Variants in SPATA17 observed in about 807,000 individuals in gnomAD.
SPATA17 encodes the protein spermatogenesis-associated protein 17.
In SPATA17, 53 loss-of-function variants were observed where a neutral mutation model predicts 62.2. The observed-to-expected ratio is 0.85, with a 90% CI of 0.68 to 1.07. The LOEUF (loss-of-function observed/expected upper bound fraction) is 1.07. Ranked by LOEUF, SPATA17 falls within the 50% of genes least tolerant of loss-of-function variation. SPATA17 has a pLI of 0.00. For synonymous variants in SPATA17, 146 were observed against 146.8 expected (o/e 0.99, Z 0.04); for missense variants, 466 against 425.5 (o/e 1.10, Z -0.84).
intron 9 of SPATA17, among the ~76,000 whole-genome samples, chr1:217,804,134 C>T (rs1184999972): frequency 6.6e-6 from 1 of 152,080 alleles, no homozygotes; most frequent in Non-Finnish European, 1.5e-5. Context: ...GGAAGCATCA[C>T]ACTATCTGAT....
intron 6 of SPATA17, among the ~76,000 whole-genome samples, chr1:217,758,969 C>T (rs1226324109): frequency 1.3e-5 from 2 of 152,020 alleles, no homozygotes; most frequent in Non-Finnish European, 2.9e-5. Flanking sequence ...GGCATGAAGG[C>T]ATCAAAGAAC....
intron 5 of SPATA17, among the ~76,000 whole-genome samples, chr1:217,685,526 A>G (rs1393029323): frequency 6.6e-6 from 1 of 152,204 alleles, no homozygotes; most frequent in African/African-American, 2.4e-5. Flanking sequence ...TTCTTAAACC[A>G]GGAATGGAAG....
intron 9 of SPATA17, among the ~76,000 whole-genome samples, chr1:217,834,271 G>T (rs914265706): frequency 6.6e-6 from 1 of 152,082 alleles, no homozygotes; most frequent in African/African-American, 2.4e-5. Context: ...ATGTTATTGG[G>T]TTACATATTT....
At chr1:217,781,583 C>T (rs1673728071) in intron 7 of SPATA17, among the ~76,000 whole-genome samples, 1 of 152,048 alleles carries the variant, frequency 6.6e-6, no homozygotes, top group South Asian at 2.1e-4. Flanking sequence ...CAAAAGGTTG[C>T]TATTGGTATC....
chr1:217,709,511 CA>C lies in SPATA17; in HGVS notation c.395+26151del, dbSNP rs201947985. ...TTACAACATGAAAATTGGCTTCTCT[CA>C]GGCAAGTGACTGGAGAACACAAGAG... On this transcript the variant is annotated intron_variant, in intron 5 of 10. Coordinates refer to ENST00000366933, the MANE Select transcript of SPATA17 (RefSeq NM_138796.4). 9.9e-3 allele frequency among the ~76,000 whole-genome samples: 1,502 copies of C among 152,274 alleles called. 24 individuals are homozygous for C. The highest frequency in any genetic ancestry group is 0.034 in the African/African-American group (1,432 of 41,548).
intron 5 of SPATA17, among the ~76,000 whole-genome samples, chr1:217,714,435 GA>G (rs537809968): frequency 5.2e-4 from 78 of 149,780 alleles, no homozygotes; most frequent in African/African-American, 1.8e-3. Flanking sequence ...TTCTGAAAAG[GA>G]AAAAATTCAG....
intron 5 of SPATA17, among the ~76,000 whole-genome samples, chr1:217,684,145 T>C (rs1333560436): frequency 6.6e-6 from 1 of 152,136 alleles, no homozygotes; most frequent in Non-Finnish European, 1.5e-5. Context: ...GGACATAGAT[T>C]TAGGATATGG....
chr1:217,774,894 T>C (rs1673550646), intron 7 of SPATA17, among the ~76,000 whole-genome samples: 1 of 152,248 alleles, frequency 6.6e-6, no homozygotes, highest in Admixed American at 6.5e-5. Flanking sequence ...TTTATCCATT[T>C]ATCTGCATTT....
At chr1:217,802,722 A>G (rs1373073048) in intron 9 of SPATA17, among the ~76,000 whole-genome samples, 1 of 152,120 alleles carries the variant, frequency 6.6e-6, no homozygotes, top group Non-Finnish European at 1.5e-5. Flanking sequence ...CAGATTAGAT[A>G]TTCAACATAT....
chr1:217,699,804 C>T (rs1571740425), intron 5 of SPATA17, among the ~76,000 whole-genome samples: 2 of 152,134 alleles, frequency 1.3e-5, no homozygotes, highest in Non-Finnish European at 2.9e-5. Flanking sequence ...CAAAGATTTT[C>T]TCCTTTTTTT....
At chr1:217,735,932 CAT>C (rs1197711556) in intron 5 of SPATA17, among the ~76,000 whole-genome samples, 1 of 151,358 alleles carries the variant, frequency 6.6e-6, no homozygotes, top group African/African-American at 2.4e-5. Flanking sequence ...TGTTACATAA[CAT>C]ACATATTATA....
At chr1:217,755,396 ATCTT>A (rs1673017185) in intron 6 of SPATA17, among the ~76,000 whole-genome samples, 1 of 152,062 alleles carries the variant, frequency 6.6e-6, no homozygotes, top group Non-Finnish European at 1.5e-5. Flanking sequence ...AGGGAAAAGA[ATCTT>A]TCTTTAAATT....
chr1:217,787,012 G>A (rs1482707842), intron 8 of SPATA17, among the ~76,000 whole-genome samples: 2 of 152,006 alleles, frequency 1.3e-5, no homozygotes, highest in East Asian at 1.9e-4. Flanking sequence ...TTTCTTGAGT[G>A]TGAATTGCAT....
chr1:217,745,987 A>G (rs182149900), intron 6 of SPATA17, among the ~76,000 whole-genome samples: 159 of 152,222 alleles, frequency 1.0e-3, no homozygotes, highest in Admixed American at 2.4e-3. Flanking sequence ...TTTTTACAGC[A>G]TGTCTTGGCT....
intron 8 of SPATA17, among the ~76,000 whole-genome samples, chr1:217,795,951 C>A (rs1674143398): frequency 6.6e-6 from 1 of 152,100 alleles, no homozygotes; most frequent in Non-Finnish European, 1.5e-5. Context: ...CTTCTCACCA[C>A]CACGCCCAGC....
chr1:217,812,870 T>A (rs1674625518), intron 9 of SPATA17, among the ~76,000 whole-genome samples: 1 of 152,218 alleles, frequency 6.6e-6, no homozygotes, highest in Non-Finnish European at 1.5e-5. Context: ...CTGATTTTAA[T>A]GGAACCATTT....
intron 5 of SPATA17, among the ~76,000 whole-genome samples, chr1:217,712,284 G>A (rs371714683): frequency 3.3e-5 from 5 of 151,616 alleles, no homozygotes; most frequent in African/African-American, 4.8e-5. Flanking sequence ...GTGCCACCAC[G>A]CCTGGCTAAT....
intron 3 of SPATA17, among the ~76,000 whole-genome samples, chr1:217,661,250 A>C (rs1235258665): frequency 7.0e-6 from 1 of 143,454 alleles, no homozygotes; most frequent in Non-Finnish European, 1.5e-5. Flanking sequence ...ATTAAAAATA[A>C]GAATAAACAG....
intron 6 of SPATA17, among the ~76,000 whole-genome samples, chr1:217,742,949 A>AAAATAT (rs1672655678): frequency 6.8e-6 from 1 of 146,086 alleles, no homozygotes; most frequent in African/African-American, 2.5e-5. Context: ...TCCAAATTAA[A>AAAATAT]ATATATATAT....
Sources: gnomAD v4.1 joint callset for allele counts (sites outside exome capture counted in the v4.1 genomes callset) on GRCh38, gnomAD v4.1.1 for gene constraint, MANE v1.5 for transcripts, NCBI Gene and HGNC (gene_info 2026-07-23, HGNC 2026-07-21) for gene names.